TEX9: variants seen among roughly 807,000 people sequenced by gnomAD.
The protein encoded by TEX9 is testis expressed 9, also known as testis-expressed protein 9.
In TEX9, 74 loss-of-function variants were observed where a neutral mutation model predicts 59.6. The observed-to-expected ratio is 1.24, with a 90% confidence interval of 1.03 to 1.51. The LOEUF (loss-of-function observed/expected upper bound fraction) is 1.51. Among genes scored for constraint, TEX9 ranks in the 40% most tolerant of loss-of-function variants. The pLI, the probability that TEX9 is intolerant of heterozygous loss-of-function variation, is 0.00. For missense variants in TEX9, 522 were observed against 447.8 expected, an observed-to-expected ratio of 1.17 and a Z score of -1.49; for synonymous variants, 186 against 152.2, an observed-to-expected ratio of 1.22 and a Z score of -1.64.
chr15:56,342,956 TC>T (rs1172887039), intron 1 of TEX9, among the ~76,000 whole-genome samples: 1 of 152,166 alleles, frequency 6.6e-6, no homozygotes, highest in East Asian at 1.9e-4. Flanking sequence ...TTTAATCTTT[TC>T]CTAAGGGCAA....
chr15:56,293,522 C>G lies in TEX9; in HGVS notation c.-107+49244C>G, dbSNP rs561363430. 6.8e-4 allele frequency among the ~76,000 whole-genome samples: 103 copies of G among 152,298 alleles called. 1 individual carries two copies. The highest frequency in any genetic ancestry group is 2.3e-3 in the African/African-American group (97 of 41,564). On this transcript the variant is annotated intron_variant, in intron 1 of 5. Coordinates refer to the TEX9 transcript ENST00000560827. Reference sequence around the variant, plus strand: ...AGTGATCTGTAGGCCCATGAATGTTCTGCCTAATATAAATTCTATTCTAGA... The same window carrying G: ...AGTGATCTGTAGGCCCATGAATGTTGTGCCTAATATAAATTCTATTCTAGA...
intron 10 of TEX9, among the ~76,000 whole-genome samples, chr15:56,422,711 G>C (rs795781): frequency 0.83 from 125,607 of 151,442 alleles, 53,218 homozygotes; most frequent in South Asian, 0.94. Context: ...ATATAGTTCA[G>C]TAGTGTAACA....
the TEX9 span, chr15:56,456,414 C>T: frequency 6.2e-7 from 1 of 1,609,010 alleles, no homozygotes; most frequent in African/African-American, 1.3e-5. Flanking sequence ...TTACTTGTTG[C>T]CTCATCTTTT....
chr15:56,428,501 T>C (rs564129653), intron 12 of TEX9: 28 of 1,190,852 alleles, frequency 2.4e-5, no homozygotes, highest in South Asian at 1.9e-4. Flanking sequence ...ATTTTACTTA[T>C]TGTAGTGGTT....
At chr15:56,388,482 C>T in exon 5 of TEX9, 1 of 1,611,056 alleles carries the variant, frequency 6.2e-7, no homozygotes, top group South Asian at 1.1e-5. Context: ...AGGTCTGTTA[C>T]CATCTGAAGG....
downstream of TEX9, among the ~76,000 whole-genome samples, chr15:56,449,999 T>A (rs1290312063): frequency 6.6e-6 from 1 of 152,200 alleles, no homozygotes; most frequent in Non-Finnish European, 1.5e-5. Context: ...GGCACAGTTC[T>A]TGGCTTTATT....
chr15:56,303,976 A>G (rs2045420190), intron 1 of TEX9, among the ~76,000 whole-genome samples: 1 of 152,220 alleles, frequency 6.6e-6, no homozygotes, highest in Non-Finnish European at 1.5e-5. Context: ...ACGGACTAAT[A>G]ACAAGTAATG....
chr15:56,424,223 A>T (rs755541148), intron 10 of TEX9, among the ~76,000 whole-genome samples: 2 of 152,116 alleles, frequency 1.3e-5, no homozygotes, highest in Non-Finnish European at 2.9e-5. Context: ...TGTTTGGCCC[A>T]TATGTTCTTA....
At chr15:56,402,571 G>A (rs970511730) in intron 9 of TEX9, among the ~76,000 whole-genome samples, 1 of 152,164 alleles carries the variant, frequency 6.6e-6, no homozygotes, top group African/African-American at 2.4e-5. Flanking sequence ...AGGAGGAGCT[G>A]GAACCATTCC....
chr15:56,432,595 A>C (rs2050624712), intron 12 of TEX9, among the ~76,000 whole-genome samples: 1 of 152,194 alleles, frequency 6.6e-6, no homozygotes. Context: ...AGTCTTTAAA[A>C]ATTAAGACAA....
intron 1 of TEX9, among the ~76,000 whole-genome samples, chr15:56,348,105 T>C (rs1310342516): frequency 1.3e-5 from 2 of 152,132 alleles, no homozygotes; most frequent in African/African-American, 4.8e-5. Flanking sequence ...GTGTTATAAT[T>C]TTACAAGATA....
the TEX9 span, among the ~76,000 whole-genome samples, chr15:56,452,517 TTTTTC>T: frequency 7.4e-6 from 1 of 134,570 alleles, no homozygotes; most frequent in Non-Finnish European, 1.6e-5. Flanking sequence ...TTGTTTTCTT[TTTTTC>T]TTTTTTTTTT....
At chr15:56,430,548 A>C (rs2050560308) in intron 12 of TEX9, among the ~76,000 whole-genome samples, 1 of 152,186 alleles carries the variant, frequency 6.6e-6, no homozygotes, top group Non-Finnish European at 1.5e-5. Flanking sequence ...TCAGGTATAC[A>C]TTAAAATTCA....
In TEX9 at chr15:56,412,283, A is replaced by G; in HGVS notation, c.829-19A>G. 6.3e-7 allele frequency: 1 copy of G among 1,580,860 alleles called. No individual in the cohort carries two copies. The highest frequency in any genetic ancestry group is 8.6e-7 in the Non-Finnish European group (1 of 1,168,268). ...TATGATATATTTATAAATGTTCCAT[A>G]ATCTTTTTTACTATACAGGAATTAG... On this transcript the variant is annotated intron_variant, in intron 9 of 12. Transcript: ENST00000352903.
In TEX9 at chr15:56,327,828, T is replaced by C. The variant is rs185233902; in HGVS notation, c.-106-45613T>C. Among the ~76,000 whole-genome samples the C allele has an allele frequency of 1.1e-4, 17 of 152,232 alleles. No individual in the cohort carries two copies. In the East Asian group the frequency reaches 3.1e-3, roughly 28 times the overall value. ...AGAGGGCAAACACCCATTCTAGCAG[T>C]TGGAACCTGAGTTCCAACATGCCTC... On this transcript the variant is annotated intron_variant, in intron 1 of 5. Transcript: ENST00000560827.
intron 1 of TEX9, among the ~76,000 whole-genome samples, chr15:56,277,913 C>A (rs543133623): frequency 6.6e-6 from 1 of 152,140 alleles, no homozygotes; most frequent in African/African-American, 2.4e-5. Flanking sequence ...CTGCTCTCTG[C>A]CACTGAGGAA....
At chr15:56,265,514 T>C (rs369020232) in intron 1 of TEX9, among the ~76,000 whole-genome samples, 6 of 152,266 alleles carry the variant, frequency 3.9e-5, no homozygotes, top group Admixed American at 2.6e-4. Flanking sequence ...ACTTTCACTA[T>C]GAGGGCAGCT....
chr15:56,273,011 T>C (rs1375655593), intron 1 of TEX9, among the ~76,000 whole-genome samples: 1 of 151,814 alleles, frequency 6.6e-6, no homozygotes, highest in African/African-American at 2.4e-5. Context: ...TGGAGTGCAG[T>C]GGTGCTATCT....
intron 6 of TEX9, among the ~76,000 whole-genome samples, chr15:56,390,713 A>G (rs749451895): frequency 4.6e-5 from 7 of 151,894 alleles, no homozygotes; most frequent in Non-Finnish European, 7.4e-5. Context: ...TGGGTGGAAA[A>G]AATGTTGTTT....
Sources: allele counts gnomAD v4.1 joint callset (sites outside exome capture counted in the v4.1 genomes callset), GRCh38; gene constraint gnomAD v4.1.1; transcripts MANE v1.5; gene names NCBI Gene and HGNC (gene_info 2026-07-23, HGNC 2026-07-21).